Variants in TCF12 observed in about 807,000 individuals in gnomAD.
TCF12 encodes DNA-binding protein HTF4.
TCF12 carries 45 observed loss-of-function variants against 86.0 expected under a neutral mutation model. That is an observed-to-expected ratio of 0.52 (90% confidence interval 0.41 to 0.67). The LOEUF (loss-of-function observed/expected upper bound fraction) is 0.67, where lower values mean the gene tolerates loss of function less well. TCF12 is among the 30% of genes least tolerant of loss of function. The pLI, the probability that TCF12 is intolerant of heterozygous loss-of-function variation, is 0.00. For synonymous variants in TCF12, 330 were observed against 299.6 expected, an observed-to-expected ratio of 1.10 and a Z score of -1.05; for missense variants, 881 against 859.9, an observed-to-expected ratio of 1.02 and a Z score of -0.31.
intron 5 of TCF12, among the ~76,000 whole-genome samples, chr15:57,151,847 T>A (rs148581207): frequency 6.6e-6 from 1 of 151,918 alleles, no homozygotes; most frequent in African/African-American, 2.4e-5. Context: ...ACACAGTTTC[T>A]GTAAGTACTG....
intron 16 of TCF12, among the ~76,000 whole-genome samples, chr15:57,254,336 A>G (rs2060248935): frequency 6.6e-6 from 1 of 152,102 alleles, no homozygotes; most frequent in African/African-American, 2.4e-5. Flanking sequence ...AGATTTTCAC[A>G]CTCACATATC....
At chr15:56,994,186 T>A (rs1387484239) in intron 3 of TCF12, among the ~76,000 whole-genome samples, 1 of 152,108 alleles carries the variant, frequency 6.6e-6, no homozygotes, top group East Asian at 1.9e-4. Context: ...AATTTTTAAA[T>A]CTGAACATTA....
chr15:57,079,702 G>C (rs982752900), intron 4 of TCF12, among the ~76,000 whole-genome samples: 13 of 152,094 alleles, frequency 8.5e-5, no homozygotes, highest in South Asian at 4.1e-4. Context: ...GGTTAGAGAA[G>C]GAAATGCCTT....
chr15:57,022,944 T>C (rs2065587187), intron 3 of TCF12, among the ~76,000 whole-genome samples: 1 of 152,214 alleles, frequency 6.6e-6, no homozygotes, highest in Non-Finnish European at 1.5e-5. Context: ...CAGGTTACTA[T>C]TTCTAGCTTA....
At chr15:56,991,608 A>G (rs886532498) in intron 3 of TCF12, among the ~76,000 whole-genome samples, 1 of 152,222 alleles carries the variant, frequency 6.6e-6, no homozygotes, top group Admixed American at 6.5e-5. Flanking sequence ...ATTTAGAGCT[A>G]TACCTACTGC....
At chr15:57,064,587 A>T (rs1236156884) in intron 4 of TCF12, among the ~76,000 whole-genome samples, 1 of 151,906 alleles carries the variant, frequency 6.6e-6, no homozygotes, top group African/African-American at 2.4e-5. Context: ...TACAAGTCAG[A>T]AGTTCGAGTC....
At chr15:57,128,856 A>G (rs1282950797) in intron 5 of TCF12, among the ~76,000 whole-genome samples, 1 of 152,220 alleles carries the variant, frequency 6.6e-6, no homozygotes, top group East Asian at 1.9e-4. Context: ...ATGTTACATA[A>G]TCAATATTTC....
At chr15:57,182,780 A>T (rs906991200) in intron 6 of TCF12, among the ~76,000 whole-genome samples, 6 of 152,162 alleles carry the variant, frequency 3.9e-5, no homozygotes, top group Non-Finnish European at 8.8e-5. Context: ...TTTCCAAAAA[A>T]ATTTGTTCTC....
At chr15:57,267,585 G>T (rs1412541896) in intron 18 of TCF12, among the ~76,000 whole-genome samples, 1 of 152,192 alleles carries the variant, frequency 6.6e-6, no homozygotes, top group African/African-American at 2.4e-5. Flanking sequence ...TACAGTCTCT[G>T]TCACAGCTAC....
rs1567558218 is a variant in TCF12 at position 57,170,688 on chromosome 15, TA to T, written c.390+4224del. ...ATATATATATATAATATATTATATA[TA>T]ATATATATTATATATAATATATAAT... On this transcript the variant is annotated intron_variant, in intron 6 of 20. Transcript: ENST00000333725. 5.3e-3 allele frequency among the ~76,000 whole-genome samples: 54 copies of T among 10,244 alleles called. 2 individuals carry two copies. Among genetic ancestry groups the T allele is most frequent in the African/African-American group, 0.025 (46 of 1,876 alleles). The allele number at this position is 10,244 out of a possible 152,430, so 6.7% of individuals were successfully genotyped here. A position where few individuals can be genotyped will look rare whatever the true frequency, so the allele number is the denominator to read the frequency against.
chr15:56,923,096 T>A (rs1454983610), intron 3 of TCF12, among the ~76,000 whole-genome samples: 2 of 152,066 alleles, frequency 1.3e-5, no homozygotes, highest in Non-Finnish European at 2.9e-5. Flanking sequence ...TTCTGTTTTG[T>A]CTTTGGAGTA....
Position 56,988,457 on chromosome 15 carries a change from A to G in TCF12, c.148+67359A>G, listed in dbSNP as rs565621988. 2.0e-5 allele frequency among the ~76,000 whole-genome samples: 3 copies of G among 152,294 alleles called. No homozygotes were observed. The South Asian group carries it at 6.2e-4, about 32-fold the overall frequency. ...GTTGTAATCTTATGGGACCTGTCAT[A>G]TATGTAGTCTGTTGTTGACCCAAAT... On this transcript the variant is annotated intron_variant, in intron 3 of 20. Coordinates refer to ENST00000333725, the MANE Select transcript of TCF12 (RefSeq NM_207037.2).
intron 1 of TCF12, chr15:56,919,612 T>G (rs1402494359): frequency 2.1e-5 from 5 of 241,788 alleles, no homozygotes; most frequent in African/African-American, 1.1e-4. Flanking sequence ...GCCGAGGAGG[T>G]GGCAGAGACT....
At position 57,253,294 on chromosome 15, in the gene TCF12, G is replaced by A. The variant is rs1414877744; in HGVS notation, c.1293G>A (p.Leu431=). 1 of 1,613,862 alleles carries A rather than the reference G, an allele frequency of 6.2e-7. No homozygotes were observed. The highest frequency in any genetic ancestry group is 8.5e-7 in the Non-Finnish European group (1 of 1,179,922). ...GAATGGAGGATCGTTTAGACAGACT[G>A]GATGATGCAATCCATGTGCTGCGGA... ...QSRMEDRLDR[L]DDAIHVLRNH... The change falls in exon 16 of 21, where the codon CTG becomes CTA. Residue 431 remains leucine (L), a synonymous_variant. Coordinates refer to ENST00000333725, the MANE Select transcript of TCF12 (RefSeq NM_207037.2).
At chr15:56,931,126 C>G (rs1041335212) in intron 3 of TCF12, among the ~76,000 whole-genome samples, 1 of 151,618 alleles carries the variant, frequency 6.6e-6, no homozygotes, top group Non-Finnish European at 1.5e-5. Flanking sequence ...ACTTTTTGTT[C>G]TCAAAAGTCT....
chr15:57,170,869 T>C (rs2055438445), intron 6 of TCF12, among the ~76,000 whole-genome samples: 2 of 132,434 alleles, frequency 1.5e-5, no homozygotes, highest in South Asian at 4.7e-4. Flanking sequence ...CTCAAATTCC[T>C]AGGCTCAAGC....
chr15:57,190,269 C>T (rs2056911580), intron 6 of TCF12, among the ~76,000 whole-genome samples: 1 of 152,178 alleles, frequency 6.6e-6, no homozygotes, highest in South Asian at 2.1e-4. Flanking sequence ...AAAGCTCAAA[C>T]ACCAAAGAAA....
intron 5 of TCF12, among the ~76,000 whole-genome samples, chr15:57,101,368 C>T (rs2049734190): frequency 6.6e-6 from 1 of 152,130 alleles, no homozygotes; most frequent in Admixed American, 6.5e-5. Flanking sequence ...CCACACCCAA[C>T]TAATTTTTAA....
chr15:57,188,339 G>A (rs1472109749), intron 6 of TCF12, among the ~76,000 whole-genome samples: 1 of 152,008 alleles, frequency 6.6e-6, no homozygotes, highest in Non-Finnish European at 1.5e-5. Flanking sequence ...TTAAATAAAT[G>A]TAAACACATC....
Sources: gnomAD v4.1 joint callset for allele counts (sites outside exome capture counted in the v4.1 genomes callset) on GRCh38, gnomAD v4.1.1 for gene constraint, MANE v1.5 for transcripts, NCBI Gene and HGNC (gene_info 2026-07-23, HGNC 2026-07-21) for gene names.